GNAI1: variants seen among roughly 807,000 people sequenced by gnomAD.
The protein encoded by GNAI1 is guanine nucleotide-binding protein G(i) subunit alpha-1.
A neutral mutation model predicts 38.9 loss-of-function variants in GNAI1; 11 were observed. The observed-to-expected ratio is 0.28, with a 90% CI of 0.18 to 0.47. GNAI1 has a LOEUF of 0.47. Ranked by LOEUF, GNAI1 falls within the 20% of genes least tolerant of loss-of-function variation. The probability of loss-of-function intolerance (pLI) is 0.99; values close to 1 mark genes in which losing one functional copy is unlikely to be tolerated. For synonymous variants in GNAI1, 166 were observed against 145.1 expected (o/e 1.14, Z -1.04); for missense variants, 317 against 436.9 (o/e 0.73, Z 2.45).
chr7:80,198,900 T>G (rs1788630361), intron 3 of GNAI1, among the ~76,000 whole-genome samples: 1 of 152,190 alleles, frequency 6.6e-6, no homozygotes, highest in African/African-American at 2.4e-5. Flanking sequence ...TCAAAAATGA[T>G]CATCTTCAAT....
At chr7:80,143,214 A>G (rs1191999308) in intron 1 of GNAI1, among the ~76,000 whole-genome samples, 1 of 152,210 alleles carries the variant, frequency 6.6e-6, no homozygotes, top group African/African-American at 2.4e-5. Flanking sequence ...GAGAATTTAC[A>G]GTCTACTTGG....
At chr7:80,174,880 G>T (rs141150435) in intron 1 of GNAI1, among the ~76,000 whole-genome samples, 1 of 152,078 alleles carries the variant, frequency 6.6e-6, no homozygotes, top group Non-Finnish European at 1.5e-5. Context: ...TCACTACTGT[G>T]CACCTGTAAT....
chr7:80,193,461 T>A (rs1788515696), intron 3 of GNAI1, among the ~76,000 whole-genome samples: 1 of 152,226 alleles, frequency 6.6e-6, no homozygotes, highest in Non-Finnish European at 1.5e-5. Context: ...AGCAGTCACA[T>A]TTTATGCCTA....
intron 5 of GNAI1, among the ~76,000 whole-genome samples, chr7:80,205,725 CA>C (rs964791586): frequency 6.6e-6 from 1 of 151,934 alleles, no homozygotes; most frequent in Non-Finnish European, 1.5e-5. Context: ...TAAAAGATTA[CA>C]AAAGCAGAAA....
intron 1 of GNAI1, among the ~76,000 whole-genome samples, chr7:80,169,433 A>T (rs1788065773): frequency 6.6e-6 from 1 of 152,152 alleles, no homozygotes; most frequent in Admixed American, 6.5e-5. Flanking sequence ...TTGGACTTCT[A>T]TTTTATATAA....
intron 1 of GNAI1, among the ~76,000 whole-genome samples, chr7:80,177,761 A>C (rs1788214843): frequency 6.6e-6 from 1 of 152,202 alleles, no homozygotes; most frequent in South Asian, 2.1e-4. Context: ...GGTTTGAGCC[A>C]CTGTGCCCAG....
At chr7:80,199,449 A>G in intron 4 of GNAI1, 67 bp downstream of exon 4, 15 of 1,212,960 alleles carry the variant, frequency 1.2e-5, no homozygotes, top group Middle Eastern at 2.7e-4. Flanking sequence ...TATACTTCCA[A>G]GTCAATTTTA....
intron 1 of GNAI1, among the ~76,000 whole-genome samples, chr7:80,154,810 G>C (rs2714467): frequency 0.28 from 43,212 of 152,070 alleles, 7,436 homozygotes; most frequent in African/African-American, 0.49. Context: ...ATTATTGTCA[G>C]TGGAGCTTTG....
rs147129497 is a variant in GNAI1 at position 80,135,217 on chromosome 7, C to A, written c.57C>A (p.Ile19=). The A allele has an allele frequency of 8.4e-4, 1,303 of 1,555,578 alleles. 17 individuals carry two copies. In the South Asian group the frequency reaches 0.013, roughly 16 times the overall value. ...CGGCGGTGGAGCGGAGTAAGATGAT[C>A]GACCGCAACCTCCGTGAGGACGGCG... is the stretch of plus-strand genomic sequence containing the variant. ...DKAAVERSKM[I]DRNLREDGEK... is the part of the protein sequence containing the mutation. Residue 19 remains isoleucine, a synonymous_variant, in exon 1 of 8, where the codon ATC becomes ATA. Transcript: ENST00000649796.
At chr7:80,185,510 T>G (rs779924246) in intron 1 of GNAI1, among the ~76,000 whole-genome samples, 2 of 152,162 alleles carry the variant, frequency 1.3e-5, no homozygotes, top group African/African-American at 2.4e-5. Context: ...GGCTTTACCC[T>G]GCATTCGTTG....
chr7:80,151,553 TTC>T (rs1316788064), intron 1 of GNAI1, among the ~76,000 whole-genome samples: 2 of 152,206 alleles, frequency 1.3e-5, no homozygotes, highest in Admixed American at 6.5e-5. Context: ...AGTTCTTCCC[TTC>T]TCTTTCTCTA....
intron 1 of GNAI1, chr7:80,187,568 A>C (rs1295858058): frequency 1.3e-5 from 2 of 152,262 alleles, no homozygotes; most frequent in Non-Finnish European, 2.9e-5. Context: ...CATGAGCAGC[A>C]GTGGGTGTTC....
chr7:80,225,512 T>C lies in GNAI1; in HGVS notation c.*8019T>C, dbSNP rs1789144942. ...ATTCCCCTAGCCAAATTCCTTTCTT[T>C]CTCCACACCTCCCACAGGACTGGGC... On this transcript the variant is annotated 3_prime_UTR_variant, in exon 8 of 8. Coordinates refer to ENST00000649796, the MANE Select transcript of GNAI1 (RefSeq NM_002069.6). Among the ~76,000 whole-genome samples the C allele has an allele frequency of 6.6e-6, 1 of 152,092 alleles. No homozygotes were observed. Among genetic ancestry groups the C allele is most frequent in the Admixed American group, 6.6e-5 (1 of 15,264 alleles).
At chr7:80,158,459 G>A (rs1015629518) in intron 1 of GNAI1, among the ~76,000 whole-genome samples, 1 of 152,146 alleles carries the variant, frequency 6.6e-6, no homozygotes, top group African/African-American at 2.4e-5. Flanking sequence ...CTGGTGGGAG[G>A]TAATTCAACC....
chr7:80,143,639 C>A (rs1240502541), intron 1 of GNAI1, among the ~76,000 whole-genome samples: 1 of 152,056 alleles, frequency 6.6e-6, no homozygotes, highest in African/African-American at 2.4e-5. Context: ...CCCATGAGAC[C>A]TTGGGCAAGT....
chr7:80,164,386 G>A (rs1326734888), intron 1 of GNAI1, among the ~76,000 whole-genome samples: 2 of 144,812 alleles, frequency 1.4e-5, no homozygotes, highest in Admixed American at 6.9e-5. Flanking sequence ...TTTTTGAGAC[G>A]GAGTCTTGCT....
At chr7:80,138,207 T>C (rs13228071) in intron 1 of GNAI1, among the ~76,000 whole-genome samples, 7,336 of 152,318 alleles carry the variant, frequency 0.048, 198 homozygotes, top group Middle Eastern at 0.095. Flanking sequence ...TATTGCATTT[T>C]TTTCTTAAGG....
intron 1 of GNAI1, among the ~76,000 whole-genome samples, chr7:80,152,497 C>CA (rs1787744736): frequency 6.9e-6 from 1 of 145,096 alleles, no homozygotes; most frequent in Non-Finnish European, 1.5e-5. Flanking sequence ...TTTGTTTTTA[C>CA]AAAAACGGGT....
At chr7:80,190,866 C>T (rs556838560) in intron 3 of GNAI1, among the ~76,000 whole-genome samples, 2 of 152,152 alleles carry the variant, frequency 1.3e-5, no homozygotes, top group Non-Finnish European at 2.9e-5. Context: ...GTTTTTCTCT[C>T]AAGGAATGTT....
Sources: allele counts gnomAD v4.1 joint callset (sites outside exome capture counted in the v4.1 genomes callset), GRCh38; gene constraint gnomAD v4.1.1; transcripts MANE v1.5; gene names NCBI Gene and HGNC (gene_info 2026-07-23, HGNC 2026-07-21).